IQSEC2: variants seen among roughly 807,000 people sequenced by gnomAD.
The protein encoded by IQSEC2 is IQ motif and Sec7 domain ArfGEF 2.
IQSEC2 carries 6 observed loss-of-function variants against 74.6 expected under a neutral mutation model. The observed-to-expected ratio is 0.08, with a 90% CI of 0.04 to 0.16. The LOEUF is 0.16. IQSEC2 is among the 10% of genes least tolerant of loss of function. The probability of loss-of-function intolerance (pLI) is 1.00; values close to 1 mark genes in which losing one functional copy is unlikely to be tolerated. For synonymous variants in IQSEC2, 494 were observed against 544.5 expected, an observed-to-expected ratio of 0.91 and a Z score of 1.29; for missense variants, 734 against 1,306.2, an observed-to-expected ratio of 0.56 and a Z score of 6.75.
chrX:53,320,866 C>T lies in IQSEC2; in HGVS notation c.258G>A (p.Glu86=), dbSNP rs2075424840. 8.6e-7 allele frequency: 1 copy of T among 1,165,467 alleles called. No homozygotes were observed. The highest frequency in any genetic ancestry group is 1.1e-6 in the Non-Finnish European group (1 of 872,111). Residue 86 remains glutamate, a synonymous_variant, in exon 1 of 15, where the codon GAG becomes GAA. Transcript: ENST00000642864. ...PHGARDSPGR[E]SQYQNLRETQ... is the part of the protein sequence containing the mutation. ...TCTCGCGCAGGTTCTGGTACTGGCT[C>T]TCGCGGCCCGGGCTATCCCGCGCGC... is the stretch of plus-strand genomic sequence containing the variant.
At chrX:53,245,305 A>G (rs1020164691) in intron 8 of IQSEC2, among the ~76,000 whole-genome samples, 6 of 109,268 alleles carry the variant, frequency 5.5e-5, no homozygotes, top group African/African-American at 2.0e-4. Flanking sequence ...GCACGCGCCT[A>G]TAGTCCCAGC....
chrX:53,263,274 G>A (rs2074597791), intron 2 of IQSEC2, among the ~76,000 whole-genome samples: 1 of 111,836 alleles, frequency 8.9e-6, no homozygotes, highest in South Asian at 3.8e-4. Flanking sequence ...GGCTAGCCAA[G>A]GGTGGCAGAA....
chrX:53,241,688 TCCACACA>T (rs1438889726), intron 10 of IQSEC2, 89 bp downstream of exon 10: 21 of 1,138,881 alleles, frequency 1.8e-5, no homozygotes, highest in Admixed American at 1.1e-4. Context: ...CCCGCCACAC[TCCACACA>T]CCACACACCT....
intron 10 of IQSEC2, chrX:53,239,668 T>C (rs1283174616): frequency 9.2e-6 from 2 of 218,412 alleles, no homozygotes; most frequent in Admixed American, 1.3e-4. Context: ...TCTGAGTGTG[T>C]GATCGCCCCC....
At chrX:53,297,617 G>A (rs1165394733) in intron 1 of IQSEC2, among the ~76,000 whole-genome samples, 2 of 111,367 alleles carry the variant, frequency 1.8e-5, no homozygotes, top group Non-Finnish European at 3.8e-5. Context: ...ATGAGCCACC[G>A]TGCCCAGCCT....
chrX:53,226,997 T>A (rs2074043331), downstream of IQSEC2: 1 of 100,545 alleles, frequency 9.9e-6, no homozygotes, highest in African/African-American at 4.4e-5. Context: ...GCTTTTGTAT[T>A]TTTTTTTTTA....
chrX:53,266,888 CG>C (rs1326600994), intron 2 of IQSEC2: 8 of 928,944 alleles, frequency 8.6e-6, no homozygotes, highest in South Asian at 2.4e-5. Context: ...GGGGAATCTG[CG>C]GGGGGGTGGG....
chrX:53,298,856 C>T (rs1430089158), intron 1 of IQSEC2, among the ~76,000 whole-genome samples: 2 of 111,248 alleles, frequency 1.8e-5, no homozygotes, highest in Admixed American at 9.6e-5. Context: ...TTTATTTTAG[C>T]TCTCACTATT....
Position 53,302,405 on chromosome X carries a change from G to A in IQSEC2, c.708-10481C>T, listed in dbSNP as rs782604263. Among the ~76,000 whole-genome samples the A allele has an allele frequency of 2.7e-5, 3 of 112,609 alleles. No individual in the cohort carries two copies. The South Asian group carries it at 1.1e-3, about 41-fold the overall frequency. The stretch of plus-strand genomic sequence containing the variant: ...TTTCCAAGTGCCTTGAACAGTGTGA[G>A]GTACTTAGATGTTCTTCAAATTTGA... On this transcript the variant is annotated intron_variant, in intron 1 of 14. Transcript: ENST00000642864.
intron 1 of IQSEC2, among the ~76,000 whole-genome samples, chrX:53,300,911 A>G (rs2075204836): frequency 9.0e-6 from 1 of 111,697 alleles, no homozygotes; most frequent in Non-Finnish European, 1.9e-5. Flanking sequence ...AAATGCTCAA[A>G]TGGAAAAATC....
chrX:53,235,095 G>A lies in IQSEC2; in HGVS notation c.3591C>T (p.Pro1197=), dbSNP rs909191485. 5.3e-6 allele frequency: 6 copies of A among 1,133,158 alleles called. No homozygotes were observed. In the African/African-American group the frequency reaches 5.7e-5, roughly 11 times the overall value. The allele number at this position is 1,133,158 out of a possible 1,213,427, so 93.4% of individuals were successfully genotyped here. ...PPPEEYKSQR[P]VSNSSSFLGS... is the part of the protein sequence containing the mutation. ...CCAGGAAGGATGAGGAGTTGGAGAC[G>A]GGCCTCTGGCTCTTGTACTCCTCTG... is the stretch of plus-strand genomic sequence containing the variant. Residue 1197 remains proline, a synonymous_variant, in exon 15 of 15, where the codon CCC becomes CCT. Coordinates refer to ENST00000642864, the MANE Select transcript of IQSEC2 (RefSeq NM_001111125.3).
chrX:53,274,452 CTTTTTTTTTTTTTT>C (rs66510453), intron 2 of IQSEC2, among the ~76,000 whole-genome samples: 4 of 47,123 alleles, frequency 8.5e-5, no homozygotes, highest in South Asian at 2.9e-3. Flanking sequence ...AGTTACATTT[CTTTTTTTTTTTTTT>C]TTTTTTTTTT....
intron 2 of IQSEC2, among the ~76,000 whole-genome samples, chrX:53,278,034 G>A (rs1369707457): frequency 2.6e-5 from 2 of 75,869 alleles, no homozygotes; most frequent in Non-Finnish European, 4.7e-5. Context: ...TTTTTGAGAC[G>A]GAGTCTCACT....
At chrX:53,279,508 C>G in intron 2 of IQSEC2, 1 of 746,879 alleles carries the variant, frequency 1.3e-6, no homozygotes, top group South Asian at 2.3e-5. Context: ...GGCAATGACA[C>G]TGTATATTTG....
At chrX:53,283,718 A>G (rs6638378) in intron 2 of IQSEC2, among the ~76,000 whole-genome samples, 2,551 of 111,836 alleles carry the variant, frequency 0.023, 87 homozygotes, top group African/African-American at 0.079. Context: ...CAGCCACGGG[A>G]CACTGGCAGG....
intron 1 of IQSEC2, among the ~76,000 whole-genome samples, chrX:53,316,642 G>A (rs2075375876): frequency 9.0e-6 from 1 of 111,056 alleles, no homozygotes; most frequent in Admixed American, 9.5e-5. Context: ...GCAACACAGA[G>A]AGACCCCGTC....
chrX:53,280,131 G>A, intron 2 of IQSEC2, among the ~76,000 whole-genome samples: 1 of 103,106 alleles, frequency 9.7e-6, no homozygotes, highest in Middle Eastern at 4.9e-3. Context: ...CACCACAGTA[G>A]GGAAGGGGGA....
chrX:53,266,484 A>T, intron 2 of IQSEC2: 1 of 757,196 alleles, frequency 1.3e-6, no homozygotes, highest in Non-Finnish European at 1.6e-6. Flanking sequence ...AGCAATGGCC[A>T]CAGCAAGGGA....
rs1556862460 is a variant in IQSEC2 at position 53,248,245 on chromosome X, C to G, written c.2460-9G>C. The G allele has an allele frequency of 8.3e-7, 1 of 1,208,504 alleles. No individual in the cohort carries two copies. On this transcript the variant is annotated splice_polypyrimidine_tract_variant and intron_variant, in intron 6 of 14. Transcript: ENST00000642864. The stretch of plus-strand genomic sequence containing the variant: ...TCTCATCCACCACACAGCTAAGGAG[C>G]AAAGAAGGAGGTGTGGCGCTTTCAA...
Sources: gnomAD v4.1 joint callset for allele counts (sites outside exome capture counted in the v4.1 genomes callset) on GRCh38, gnomAD v4.1.1 for gene constraint, MANE v1.5 for transcripts, NCBI Gene and HGNC (gene_info 2026-07-23, HGNC 2026-07-21) for gene names.